The following NLGN4X variants were observed in gnomAD, a reference collection of about 807,000 sequenced individuals.
The protein encoded by NLGN4X is neuroligin 4 X-linked.
NLGN4X carries 3 observed loss-of-function variants against 40.3 expected under a neutral mutation model. The ratio of observed to expected loss-of-function variants is 0.07; its 90% CI spans 0.03 to 0.19. The LOEUF (loss-of-function observed/expected upper bound fraction) is 0.19, where lower values mean the gene tolerates loss of function less well. Ranked by LOEUF, NLGN4X falls within the 10% of genes least tolerant of loss-of-function variation. The pLI, the probability that NLGN4X is intolerant of heterozygous loss-of-function variation, is 1.00. For synonymous variants in NLGN4X, 270 were observed against 306.8 expected, an observed-to-expected ratio of 0.88 and a Z score of 1.25; for missense variants, 382 against 708.3, an observed-to-expected ratio of 0.54 and a Z score of 5.23.
chrX:6,073,471 C>G (rs1043742988), intron 2 of NLGN4X, among the ~76,000 whole-genome samples: 1 of 111,816 alleles, frequency 8.9e-6, no homozygotes, highest in Admixed American at 9.5e-5. Context: ...CATAGAGGGC[C>G]AAAGCCATCC....
intron 1 of NLGN4X, among the ~76,000 whole-genome samples, chrX:6,215,563 A>AAG (rs1445652020): frequency 9.1e-6 from 1 of 110,145 alleles, no homozygotes; most frequent in Non-Finnish European, 1.9e-5. Flanking sequence ...AAAAAAAAAA[A>AAG]AGGATGAGGA....
chrX:6,222,843 G>A (rs750984376), intron 1 of NLGN4X, among the ~76,000 whole-genome samples: 6 of 111,718 alleles, frequency 5.4e-5, no homozygotes, highest in Non-Finnish European at 7.5e-5. Context: ...TTTTATAAGG[G>A]GTTTCCCCCT....
intron 3 of NLGN4X, among the ~76,000 whole-genome samples, chrX:6,027,246 A>G (rs1035025632): frequency 8.9e-6 from 1 of 111,995 alleles, no homozygotes; most frequent in Non-Finnish European, 1.9e-5. Context: ...AAGAAGCACA[A>G]TTTCCTGTTT....
intron 3 of NLGN4X, among the ~76,000 whole-genome samples, chrX:6,017,547 T>C (rs2036424395): frequency 8.9e-6 from 1 of 111,870 alleles, no homozygotes. Context: ...TAATAATGTG[T>C]TTATTCTACC....
At chrX:6,205,086 C>A (rs1425352431) in intron 1 of NLGN4X, among the ~76,000 whole-genome samples, 11 of 111,882 alleles carry the variant, frequency 9.8e-5, no homozygotes, top group Non-Finnish European at 1.9e-4. Context: ...GTATTCATCT[C>A]TACAACCATT....
chrX:6,096,724 T>C (rs1774490229), intron 2 of NLGN4X, among the ~76,000 whole-genome samples: 4 of 111,929 alleles, frequency 3.6e-5, no homozygotes, highest in Admixed American at 9.5e-5. Flanking sequence ...TTAAGGATGC[T>C]ATAGAGGAAA....
chrX:6,021,014 C>T (rs189380719), intron 3 of NLGN4X, among the ~76,000 whole-genome samples: 6,692 of 24,087 alleles, frequency 0.28, 658 homozygotes, highest in African/African-American at 0.49. Flanking sequence ...CTCTCTCTCT[C>T]TCTCTCTCTC....
In NLGN4X at chrX:5,892,363, T is replaced by C. The variant is rs1404375817; in HGVS notation, c.*454A>G. ...TGGGCAAAATCTCATTGACTCTTTCTTCACTTAAGGAGAGCCATCCATTGT... is the reference window on the plus strand; with the variant it reads ...TGGGCAAAATCTCATTGACTCTTTCCTCACTTAAGGAGAGCCATCCATTGT... On this transcript the variant is annotated 3_prime_UTR_variant, in exon 6 of 6. Coordinates refer to ENST00000381095, the MANE Select transcript of NLGN4X (RefSeq NM_181332.3). 2 of 180,162 alleles carry C rather than the reference T, an allele frequency of 1.1e-5. No homozygotes were observed. The highest frequency in any genetic ancestry group is 2.9e-4 in the East Asian group (2 of 6,836). 14.8% of individuals were successfully genotyped at this position (180,162 alleles called of 1,213,427 possible).
Position 5,891,111 on chromosome X carries a change from C to T in NLGN4X, c.*1706G>A, listed in dbSNP as rs900221985. Reference sequence around the variant, plus strand: ...CCATTGCTACTATGTTTCCTTCCACCTTATAACACTCAAAACTTTCCTGAA... The same window carrying T: ...CCATTGCTACTATGTTTCCTTCCACTTTATAACACTCAAAACTTTCCTGAA... On this transcript the variant is annotated 3_prime_UTR_variant, in exon 6 of 6. Coordinates refer to ENST00000381095, the MANE Select transcript of NLGN4X (RefSeq NM_181332.3). 1.6e-5 allele frequency: 4 copies of T among 245,987 alleles called. No homozygotes were observed. Among genetic ancestry groups the T allele is most frequent in the Non-Finnish European group, 3.0e-5 (4 of 134,418 alleles). 20.3% of individuals were successfully genotyped at this position (245,987 alleles called of 1,213,427 possible). A position where few individuals can be genotyped will look rare whatever the true frequency, so the allele number is the denominator to read the frequency against.
intron 2 of NLGN4X, among the ~76,000 whole-genome samples, chrX:6,034,251 T>C (rs1681359320): frequency 8.9e-6 from 1 of 112,308 alleles, no homozygotes; most frequent in Non-Finnish European, 1.9e-5. Flanking sequence ...TGCGGTATTT[T>C]GTGTCTGGTT....
At chrX:5,903,976 T>C in intron 4 of NLGN4X, 110 bp from the exon 5 acceptor site, 14 of 972,964 alleles carry the variant, frequency 1.4e-5, no homozygotes, top group Non-Finnish European at 2.0e-5. Context: ...AGTTTCTGGA[T>C]GTAGTAGCAT....
At chrX:6,116,798 G>A (rs937287818) in intron 2 of NLGN4X, among the ~76,000 whole-genome samples, 3 of 110,927 alleles carry the variant, frequency 2.7e-5, no homozygotes, top group African/African-American at 9.9e-5. Flanking sequence ...CCAAAGTGCT[G>A]GGATTACAGG....
intron 3 of NLGN4X, among the ~76,000 whole-genome samples, chrX:6,019,537 T>C (rs924672346): frequency 8.9e-6 from 1 of 111,857 alleles, no homozygotes; most frequent in African/African-American, 3.3e-5. Flanking sequence ...TATATGTAGA[T>C]ACTGACAGAA....
chrX:6,166,555 T>C (rs1235318107), intron 1 of NLGN4X, among the ~76,000 whole-genome samples: 2 of 112,063 alleles, frequency 1.8e-5, no homozygotes, highest in Non-Finnish European at 3.8e-5. Flanking sequence ...CACTCACACA[T>C]GTAGCGTGCA....
intron 2 of NLGN4X, among the ~76,000 whole-genome samples, chrX:6,129,021 C>T (rs940446402): frequency 4.5e-5 from 5 of 111,450 alleles, no homozygotes; most frequent in African/African-American, 1.3e-4. Flanking sequence ...GTGTGACAAT[C>T]TGTGTATCCT....
intron 2 of NLGN4X, among the ~76,000 whole-genome samples, chrX:6,082,946 GCGTTTTTTTCTTTT>G (rs1299215661): frequency 2.9e-5 from 2 of 69,524 alleles, no homozygotes; most frequent in South Asian, 6.6e-4. Context: ...TTGCCATGAT[GCGTTTTTTTCTTTT>G]TTTTTTTTTT....
chrX:6,048,989 C>T lies in NLGN4X; in HGVS notation c.473-19557G>A, dbSNP rs190813944. Among the ~76,000 whole-genome samples the T allele has an allele frequency of 5.1e-3, 538 of 104,927 alleles. 6 individuals carry two copies. Among genetic ancestry groups the T allele is most frequent in the African/African-American group, 0.018 (518 of 28,716 alleles). 91.1% of individuals were successfully genotyped at this position (104,927 alleles called of 115,157 possible). A position where few individuals can be genotyped will look rare whatever the true frequency, so the allele number is the denominator to read the frequency against. On this transcript the variant is annotated intron_variant, in intron 2 of 5. Transcript: ENST00000381095. ...CACCTGCATGTCCTGCACATGGATC[C>T]CAGAACTTAAAATAAAATAAAATAA...
At chrX:6,156,326 A>G (rs1386306372) in intron 1 of NLGN4X, among the ~76,000 whole-genome samples, 2 of 111,436 alleles carry the variant, frequency 1.8e-5, no homozygotes, top group Admixed American at 9.5e-5. Flanking sequence ...TGGCTAACAC[A>G]GTGAAACCCC....
At chrX:6,109,442 G>A (rs919134416) in intron 2 of NLGN4X, among the ~76,000 whole-genome samples, 2 of 112,212 alleles carry the variant, frequency 1.8e-5, no homozygotes, top group Admixed American at 1.9e-4. Context: ...CAGATTGTAT[G>A]GAGATTGGGG....
Sources: allele counts gnomAD v4.1 joint callset (sites outside exome capture counted in the v4.1 genomes callset), GRCh38; gene constraint gnomAD v4.1.1; transcripts MANE v1.5; gene names NCBI Gene and HGNC (gene_info 2026-07-23, HGNC 2026-07-21).